PALM2AKAP2: variants seen among roughly 807,000 people sequenced by gnomAD.
The protein encoded by PALM2AKAP2 is PALM2-AKAP2 fusion protein.
In PALM2AKAP2, 37 loss-of-function variants were observed where a neutral mutation model predicts 71.5. The observed-to-expected ratio is 0.52, with a 90% CI of 0.40 to 0.68. The LOEUF is 0.68. Among genes scored for constraint, PALM2AKAP2 ranks in the 30% least tolerant of loss-of-function variants. The probability of loss-of-function intolerance (pLI) is 0.00; values close to 1 mark genes in which losing one functional copy is unlikely to be tolerated. For synonymous variants in PALM2AKAP2, 468 were observed against 478.8 expected (o/e 0.98, Z 0.29); for missense variants, 1,224 against 1,191.8 (o/e 1.03, Z -0.40).
chr9:109,871,623 G>A (rs764557445), intron 2 of PALM2AKAP2, among the ~76,000 whole-genome samples: 40 of 152,114 alleles, frequency 2.6e-4, no homozygotes, highest in Non-Finnish European at 5.4e-4. Flanking sequence ...TTTTTTCCCC[G>A]ATATATTTCT....
chr9:109,939,483 G>A (rs1024698309), intron 6 of PALM2AKAP2, among the ~76,000 whole-genome samples: 1 of 152,040 alleles, frequency 6.6e-6, no homozygotes. Context: ...TGTATTGATC[G>A]CAGGCCAGTG....
At chr9:109,664,770 A>T (rs536604199) in intron 1 of PALM2AKAP2, among the ~76,000 whole-genome samples, 30 of 152,250 alleles carry the variant, frequency 2.0e-4, no homozygotes, top group African/African-American at 6.5e-4. Flanking sequence ...CCTGGATAAT[A>T]CCCTGAAGAG....
chr9:109,836,438 G>A (rs553191028), intron 1 of PALM2AKAP2, among the ~76,000 whole-genome samples: 2 of 152,344 alleles, frequency 1.3e-5, no homozygotes, highest in South Asian at 2.1e-4. Flanking sequence ...AAAAAACAGA[G>A]CAGAAAACCT....
intron 1 of PALM2AKAP2, among the ~76,000 whole-genome samples, chr9:110,113,984 C>T (rs1835307821): frequency 6.6e-6 from 1 of 152,222 alleles, no homozygotes; most frequent in Non-Finnish European, 1.5e-5. Flanking sequence ...GTGGGGCCAG[C>T]TGCCTTCACA....
chr9:109,866,420 C>T (rs1829450426), intron 1 of PALM2AKAP2, among the ~76,000 whole-genome samples: 1 of 152,122 alleles, frequency 6.6e-6, no homozygotes, highest in African/African-American at 2.4e-5. Context: ...GCTTTGGAAA[C>T]AGAACATTAA....
intron 6 of PALM2AKAP2, among the ~76,000 whole-genome samples, chr9:109,960,724 T>C (rs1831838720): frequency 6.6e-6 from 1 of 152,160 alleles, no homozygotes; most frequent in African/African-American, 2.4e-5. Context: ...GTAGTTTTAT[T>C]TTCTCCCGTA....
intron 1 of PALM2AKAP2, among the ~76,000 whole-genome samples, chr9:109,820,145 G>C (rs760504882): frequency 1.3e-5 from 2 of 152,110 alleles, no homozygotes; most frequent in African/African-American, 4.8e-5. Flanking sequence ...TATCAAAATT[G>C]GATTCATATA....
At chr9:109,919,632 T>C (rs1482720667) in intron 3 of PALM2AKAP2, among the ~76,000 whole-genome samples, 1 of 151,896 alleles carries the variant, frequency 6.6e-6, no homozygotes, top group Non-Finnish European at 1.5e-5. Context: ...TATAAATACA[T>C]TAACACACAT....
At chr9:109,863,428 G>A (rs1216535942) in intron 1 of PALM2AKAP2, among the ~76,000 whole-genome samples, 3 of 152,224 alleles carry the variant, frequency 2.0e-5, no homozygotes, top group Non-Finnish European at 4.4e-5. Flanking sequence ...TGTGAAGGTA[G>A]AGGGTGGGGG....
At chr9:109,743,783 C>T (rs1828755937) in intron 1 of PALM2AKAP2, among the ~76,000 whole-genome samples, 1 of 152,190 alleles carries the variant, frequency 6.6e-6, no homozygotes, top group South Asian at 2.1e-4. Flanking sequence ...TGCCTGCACA[C>T]TTTGATAACA....
At chr9:109,837,752 T>A (rs1363631543) in intron 1 of PALM2AKAP2, among the ~76,000 whole-genome samples, 5 of 152,054 alleles carry the variant, frequency 3.3e-5, no homozygotes, top group Non-Finnish European at 5.9e-5. Context: ...AAACAGACTT[T>A]AAACCAACAA....
intron 1 of PALM2AKAP2, among the ~76,000 whole-genome samples, chr9:110,094,700 A>G (rs1834796048): frequency 6.6e-6 from 1 of 152,098 alleles, no homozygotes; most frequent in Non-Finnish European, 1.5e-5. Flanking sequence ...CCATGATCCA[A>G]TCACTTCTCA....
intron 1 of PALM2AKAP2, among the ~76,000 whole-genome samples, chr9:110,091,627 T>A (rs1834715467): frequency 6.6e-6 from 1 of 150,508 alleles, no homozygotes; most frequent in Admixed American, 6.6e-5. Flanking sequence ...CACACCCGGC[T>A]AATTTTTTGT....
chr9:110,104,945 C>T (rs1256808260), intron 1 of PALM2AKAP2, among the ~76,000 whole-genome samples: 1 of 152,208 alleles, frequency 6.6e-6, no homozygotes, highest in Non-Finnish European at 1.5e-5. Flanking sequence ...CTCTCTAGAA[C>T]TCAAGCTCCA....
chr9:110,070,089 C>T (rs376606124), intron 1 of PALM2AKAP2, among the ~76,000 whole-genome samples: 2 of 152,150 alleles, frequency 1.3e-5, no homozygotes, highest in South Asian at 2.1e-4. Context: ...AGCTTGTGAC[C>T]ATGACTCCTA....
At chr9:109,655,348 G>T (rs560670056) in intron 1 of PALM2AKAP2, among the ~76,000 whole-genome samples, 1 of 151,366 alleles carries the variant, frequency 6.6e-6, no homozygotes, top group Admixed American at 6.6e-5. Context: ...TAGGCCCTCT[G>T]GGTGACAAGG....
At chr9:110,161,411 C>G (rs1836592227) in intron 3 of PALM2AKAP2, among the ~76,000 whole-genome samples, 1 of 152,096 alleles carries the variant, frequency 6.6e-6, no homozygotes, top group African/African-American at 2.4e-5. Flanking sequence ...TTTTTCTGTA[C>G]TTTGAGTAAG....
chr9:109,664,893 G>T (rs1359807045), intron 1 of PALM2AKAP2, among the ~76,000 whole-genome samples: 1 of 152,022 alleles, frequency 6.6e-6, no homozygotes, highest in Non-Finnish European at 1.5e-5. Context: ...GTTCCTTTTT[G>T]CTCTTTTTTC....
At chr9:109,659,469 T>C (rs911574487) in intron 1 of PALM2AKAP2, among the ~76,000 whole-genome samples, 1 of 150,822 alleles carries the variant, frequency 6.6e-6, no homozygotes, top group South Asian at 2.1e-4. Context: ...TCTATCTATA[T>C]AGATTTTTAA....
Sources: allele counts gnomAD v4.1 joint callset (sites outside exome capture counted in the v4.1 genomes callset), GRCh38; gene constraint gnomAD v4.1.1; transcripts MANE v1.5; gene names NCBI Gene and HGNC (gene_info 2026-07-23, HGNC 2026-07-21).